SPATA6L: variants seen among roughly 807,000 people sequenced by gnomAD.
SPATA6L encodes spermatogenesis associated 6 like.
A neutral mutation model predicts 49.2 loss-of-function variants in SPATA6L; 68 were observed. The observed-to-expected ratio is 1.38, with a 90% CI of 1.14 to 1.69. The LOEUF (loss-of-function observed/expected upper bound fraction) is 1.69, where lower values mean the gene tolerates loss of function less well. Among genes scored for constraint, SPATA6L ranks in the 40% most tolerant of loss-of-function variants. SPATA6L has a pLI of 0.00. For missense variants in SPATA6L, 668 were observed against 464.3 expected, an observed-to-expected ratio of 1.44 and a Z score of -4.03; for synonymous variants, 198 against 165.7, an observed-to-expected ratio of 1.19 and a Z score of -1.50.
intron 2 of SPATA6L, among the ~76,000 whole-genome samples, chr9:4,656,711 T>C (rs1270974378): frequency 2.0e-5 from 3 of 152,156 alleles, no homozygotes; most frequent in Non-Finnish European, 4.4e-5. Flanking sequence ...GCTAAAAATA[T>C]CATCGACTTG....
chr9:4,623,711 T>G (rs1169549118), intron 6 of SPATA6L, among the ~76,000 whole-genome samples: 1 of 152,174 alleles, frequency 6.6e-6, no homozygotes, highest in Non-Finnish European at 1.5e-5. Context: ...AAAATAAGTA[T>G]CAAACAAGTT....
intron 2 of SPATA6L, among the ~76,000 whole-genome samples, chr9:4,661,146 A>T (rs10758640): frequency 0.15 from 22,446 of 151,882 alleles, 2,491 homozygotes; most frequent in East Asian, 0.31. Flanking sequence ...TAATTTTTTT[A>T]AAAAAATGTG....
intron 2 of SPATA6L, among the ~76,000 whole-genome samples, chr9:4,659,217 C>T (rs1175714599): frequency 6.6e-6 from 1 of 152,186 alleles, no homozygotes; most frequent in Admixed American, 6.5e-5. Context: ...TTACATACAA[C>T]CTTAGCCCTT....
chr9:4,608,737 T>C (rs1424552119), intron 9 of SPATA6L, among the ~76,000 whole-genome samples: 1 of 151,036 alleles, frequency 6.6e-6, no homozygotes, highest in Non-Finnish European at 1.5e-5. Flanking sequence ...TTAAAAGAAC[T>C]AGAAAAGCAA....
chr9:4,591,864 T>C (rs1189978604), intron 13 of SPATA6L, among the ~76,000 whole-genome samples: 1 of 152,204 alleles, frequency 6.6e-6, no homozygotes, highest in Non-Finnish European at 1.5e-5. Context: ...CCTACCCTAT[T>C]CTTGGGCATC....
chr9:4,664,852 A>G (rs2295963), intron 1 of SPATA6L: 29,889 of 167,110 alleles, frequency 0.18, 2,732 homozygotes, highest in Middle Eastern at 0.22. Flanking sequence ...AATCATTTGC[A>G]TTCCCACAGC....
Position 4,626,353 on chromosome 9 carries a change from C to T in SPATA6L, c.430-787G>A, listed in dbSNP as rs912621698. The stretch of plus-strand genomic sequence containing the variant: ...GTCTAGACCCACAGGAACCTTCCTC[C>T]AAGCTCCTGTGGCACCAGCAGTGAG... On this transcript the variant is annotated intron_variant, in intron 5 of 11. Coordinates refer to ENST00000682582, the MANE Select transcript of SPATA6L (RefSeq NM_001353486.2). 4.0e-6 allele frequency: 5 copies of T among 1,255,704 alleles called. No individual in the cohort carries two copies. In the African/African-American group the frequency reaches 6.3e-5, roughly 16 times the overall value. The allele number at this position is 1,255,704 out of a possible 1,614,324, so 77.8% of individuals were successfully genotyped here.
intron 3 of SPATA6L, among the ~76,000 whole-genome samples, chr9:4,647,710 G>T (rs1268659677): frequency 6.6e-6 from 1 of 151,694 alleles, no homozygotes; most frequent in Non-Finnish European, 1.5e-5. Flanking sequence ...ATTAAAATAA[G>T]GACAAGAATA....
chr9:4,644,694 C>T (rs993776746), intron 3 of SPATA6L, among the ~76,000 whole-genome samples: 3 of 133,596 alleles, frequency 2.2e-5, no homozygotes. Flanking sequence ...CTCACACACA[C>T]ACACACACAC....
chr9:4,631,780 T>A (rs1042738182), intron 4 of SPATA6L, among the ~76,000 whole-genome samples: 1 of 152,090 alleles, frequency 6.6e-6, no homozygotes, highest in African/African-American at 2.4e-5. Context: ...TATGAGAAAA[T>A]TAGCATCATT....
At chr9:4,663,330 C>T (rs559913373) in intron 1 of SPATA6L, 1 of 1,503,098 alleles carries the variant, frequency 6.7e-7, no homozygotes, top group Admixed American at 1.8e-5. Flanking sequence ...TCAACCTAAA[C>T]CAGCAGCCAT....
At chr9:4,630,232 C>A (rs1416095548) in intron 4 of SPATA6L, among the ~76,000 whole-genome samples, 1 of 152,036 alleles carries the variant, frequency 6.6e-6, no homozygotes, top group African/African-American at 2.4e-5. Context: ...AGTGGTTTTA[C>A]AAATCTATAC....
At chr9:4,651,038 T>G (rs1156549982) in intron 3 of SPATA6L, among the ~76,000 whole-genome samples, 1 of 152,090 alleles carries the variant, frequency 6.6e-6, no homozygotes, top group Non-Finnish European at 1.5e-5. Flanking sequence ...AGTCCTGCTC[T>G]GTCACCCAAG....
rs776898523 is a variant in SPATA6L at position 4,662,498 on chromosome 9, G to T, written c.40-462C>A. ...GCGGCGGCAGCAGGTTTGAGTTCCAGTCCCTGCTCAGCAGCCGCGCCACGG... is the reference window on the plus strand; with the variant it reads ...GCGGCGGCAGCAGGTTTGAGTTCCATTCCCTGCTCAGCAGCCGCGCCACGG... On this transcript the variant is annotated intron_variant, in intron 1 of 11. Coordinates refer to ENST00000682582, the MANE Select transcript of SPATA6L (RefSeq NM_001353486.2). This position sits in a 1 kb window ranked among gnomAD's most constrained non-coding sequence, Gnocchi z 4.9. 5 of 1,559,684 alleles carry T rather than the reference G, an allele frequency of 3.2e-6. No individual in the cohort carries two copies. The South Asian group carries it at 5.8e-5, about 18-fold the overall frequency.
At chr9:4,602,876 A>G (rs1823709740) in intron 11 of SPATA6L, among the ~76,000 whole-genome samples, 1 of 152,236 alleles carries the variant, frequency 6.6e-6, no homozygotes, top group Non-Finnish European at 1.5e-5. Flanking sequence ...AACTAATGAT[A>G]GTACCTATCT....
In SPATA6L at chr9:4,625,402, G is replaced by C; in HGVS notation, c.594C>G (p.Asp198Glu). The C allele has an allele frequency of 1.2e-6, 2 of 1,614,086 alleles. No homozygotes were observed. The highest frequency in any genetic ancestry group is 1.3e-5 in the African/African-American group (1 of 75,018). ...TTCCAAGGTTCAACTGAGCTGGCTG[G>C]TCCTGGAAGAAATGCCTGGTAGAAT... Reference protein sequence around the residue: ...SQYSTRHFFQDQPAQLNLGNN... With the variant: ...SQYSTRHFFQEQPAQLNLGNN... The change falls in exon 6 of 12, where the codon GAC (aspartate) becomes GAG (glutamate). Residue 198 changes from aspartate to glutamate, a missense_variant. Physicochemically the swap from Asp to Glu is conservative, Grantham distance 45. Coordinates refer to ENST00000682582, the MANE Select transcript of SPATA6L (RefSeq NM_001353486.2).
chr9:4,622,495 G>T lies in SPATA6L; in HGVS notation c.685C>A (p.Pro229Thr), dbSNP rs377140605. 9.9e-6 allele frequency: 16 copies of T among 1,611,404 alleles called. No homozygotes were observed. Among genetic ancestry groups the T allele is most frequent in the African/African-American group, 2.7e-5 (2 of 74,814 alleles). ...FVVRHVDSAK[P>T]FGENISEHHL... ...TGCTCTGAAATATTCTCACCAAAGG[G>T]CTTTGCACTGTCCACCTGAAAGTAA... The change falls in exon 7 of 12, where the codon CCC (proline) becomes ACC (threonine). Residue 229 changes from proline (P) to threonine (T), a missense_variant. By Grantham distance (38) the Pro-to-Thr change is conservative. Transcript: ENST00000682582.
intron 2 of SPATA6L, among the ~76,000 whole-genome samples, chr9:4,658,495 G>A (rs545723366): frequency 3.3e-4 from 51 of 152,248 alleles, no homozygotes; most frequent in African/African-American, 1.1e-3. Flanking sequence ...ACAATTAATT[G>A]ACTGAATTTT....
chr9:4,648,679 G>A lies in SPATA6L; in HGVS notation c.226+7362C>T, dbSNP rs949176735. Among the ~76,000 whole-genome samples, 44 of 121,818 alleles carry A rather than the reference G, an allele frequency of 3.6e-4. 1 individual carries two copies. The highest frequency in any genetic ancestry group is 1.0e-3 in the African/African-American group (29 of 28,586). 79.9% of individuals were successfully genotyped at this position (121,818 alleles called of 152,430 possible). On this transcript the variant is annotated intron_variant, in intron 3 of 11. Transcript: ENST00000682582. Reference sequence around the variant, plus strand: ...TGCGCCACTGCACTCCAGCCTGGGCGACAGAGCGAGACCCCGTCTCGAAAA... The same window carrying A: ...TGCGCCACTGCACTCCAGCCTGGGCAACAGAGCGAGACCCCGTCTCGAAAA...
Sources: gnomAD v4.1 joint callset for allele counts (sites outside exome capture counted in the v4.1 genomes callset) on GRCh38, gnomAD v4.1.1 for gene constraint, Gnocchi (gnomAD v3.1) non-coding constraint, MANE v1.5 for transcripts, NCBI Gene and HGNC (gene_info 2026-07-23, HGNC 2026-07-21) for gene names.